PRKN: variants seen among roughly 807,000 people sequenced by gnomAD.
The protein encoded by PRKN is E3 ubiquitin-protein ligase parkin.
In PRKN, 56 loss-of-function variants were observed where a neutral mutation model predicts 59.5. The observed-to-expected ratio is 0.94, with a 90% confidence interval of 0.76 to 1.18. The LOEUF (loss-of-function observed/expected upper bound fraction) is 1.18, where lower values mean the gene tolerates loss of function less well. Among genes scored for constraint, PRKN ranks in the 50% most tolerant of loss-of-function variants. The pLI is 0.00. For synonymous variants in PRKN, 250 were observed against 222.1 expected, an observed-to-expected ratio of 1.13 and a Z score of -1.12; for missense variants, 657 against 596.4, an observed-to-expected ratio of 1.10 and a Z score of -1.06.
At chr6:161,833,722 T>G (rs758335459) in intron 6 of PRKN, among the ~76,000 whole-genome samples, 4 of 152,090 alleles carry the variant, frequency 2.6e-5, no homozygotes, top group Non-Finnish European at 4.4e-5. Context: ...CCTCACTGTA[T>G]GGATAAGTAA....
intron 1 of PRKN, among the ~76,000 whole-genome samples, chr6:162,523,620 C>T (rs1778158504): frequency 6.6e-6 from 1 of 152,094 alleles, no homozygotes; most frequent in South Asian, 2.1e-4. Context: ...GCTGAGATCG[C>T]ACCACTGTAT....
chr6:161,354,967 G>A lies in PRKN; in HGVS notation c.1286-4756C>T, dbSNP rs759503937. 2.6e-5 allele frequency among the ~76,000 whole-genome samples: 4 copies of A among 152,198 alleles called. No homozygotes were observed. The highest frequency in any genetic ancestry group is 5.9e-5 in the Non-Finnish European group (4 of 68,030). ...TCTTTGGAGGCTGCCAGCATGTTCTGAGTCCAGGGCAGATCCGATGAATAA... is the reference window on the plus strand; with the variant it reads ...TCTTTGGAGGCTGCCAGCATGTTCTAAGTCCAGGGCAGATCCGATGAATAA... On this transcript the variant is annotated intron_variant, in intron 11 of 11. Coordinates refer to ENST00000366898, the MANE Select transcript of PRKN (RefSeq NM_004562.3). The surrounding 1 kb of genome is among the most constrained non-coding windows in gnomAD (Gnocchi z 6.7).
In PRKN at chr6:161,448,518, T is replaced by C. The variant is rs1789592839; in HGVS notation, c.1084-61641A>G. Reference sequence around the variant, plus strand: ...TTGTAAAAAGCAAAGGTTACAGACATAAAGATCTTGCGATTCTCTTATCCC... The same window carrying C: ...TTGTAAAAAGCAAAGGTTACAGACACAAAGATCTTGCGATTCTCTTATCCC... On this transcript the variant is annotated intron_variant, in intron 9 of 11. Transcript: ENST00000366898. This position sits in a 1 kb window ranked among gnomAD's most constrained non-coding sequence, Gnocchi z 5.1. 6.6e-6 allele frequency among the ~76,000 whole-genome samples: 1 copy of C among 152,198 alleles called. No homozygotes were observed. Among genetic ancestry groups the C allele is most frequent in the Admixed American group, 6.5e-5 (1 of 15,280 alleles).
chr6:162,703,994 G>A (rs564289796), intron 1 of PRKN, among the ~76,000 whole-genome samples: 44 of 152,184 alleles, frequency 2.9e-4, no homozygotes, highest in Non-Finnish European at 5.1e-4. Flanking sequence ...CAGGGAGGGG[G>A]ATTTGCTTTG....
intron 2 of PRKN, among the ~76,000 whole-genome samples, chr6:162,351,907 A>AT (rs1784642898): frequency 6.6e-6 from 1 of 152,204 alleles, no homozygotes; most frequent in African/African-American, 2.4e-5. Context: ...TTCCTGTGGT[A>AT]TAAAAACAAG....
chr6:161,909,575 G>A (rs1050133416), intron 6 of PRKN, among the ~76,000 whole-genome samples: 3 of 152,176 alleles, frequency 2.0e-5, no homozygotes, highest in African/African-American at 7.2e-5. Flanking sequence ...GAAGGAACCG[G>A]ACATGTATGA....
At chr6:162,294,167 C>T (rs1219919887) in intron 2 of PRKN, among the ~76,000 whole-genome samples, 1 of 152,036 alleles carries the variant, frequency 6.6e-6, no homozygotes, top group Non-Finnish European at 1.5e-5. Flanking sequence ...TGCAAATGTA[C>T]TAAGAGTTCA....
chr6:162,588,815 T>G (rs1171705560), intron 1 of PRKN, among the ~76,000 whole-genome samples: 1 of 152,092 alleles, frequency 6.6e-6, no homozygotes, highest in Non-Finnish European at 1.5e-5. Context: ...CCTCCCAAAG[T>G]GCTGGGATTA....
At chr6:161,597,519 A>G (rs1781958129) in intron 7 of PRKN, among the ~76,000 whole-genome samples, 1 of 152,218 alleles carries the variant, frequency 6.6e-6, no homozygotes, top group African/African-American at 2.4e-5. Flanking sequence ...CCCAGGGGTG[A>G]CAAAACTGGG....
At chr6:162,587,754 C>A (rs1781122907) in intron 1 of PRKN, among the ~76,000 whole-genome samples, 1 of 151,964 alleles carries the variant, frequency 6.6e-6, no homozygotes, top group South Asian at 2.1e-4. Flanking sequence ...TCAAAATAAA[C>A]CTCCTTGATG....
In PRKN at chr6:161,548,158, T is replaced by A. The variant is rs1287661152; in HGVS notation, c.1083+696A>T. Among the ~76,000 whole-genome samples, 1 of 152,238 alleles carries A rather than the reference T, an allele frequency of 6.6e-6. No homozygotes were observed. Among genetic ancestry groups the A allele is most frequent in the Non-Finnish European group, 1.5e-5 (1 of 68,048 alleles). On this transcript the variant is annotated intron_variant, in intron 9 of 11. Transcript: ENST00000366898. This position sits in a 1 kb window ranked among gnomAD's most constrained non-coding sequence, Gnocchi z 4.2. The stretch of plus-strand genomic sequence containing the variant: ...TTTCCAGGCTGCATGAAATTTAATA[T>A]CAGGATTATTATCCATTTGTCATTT...
intron 4 of PRKN, among the ~76,000 whole-genome samples, chr6:162,192,515 T>C (rs1784325791): frequency 7.3e-6 from 1 of 137,316 alleles, no homozygotes; most frequent in Non-Finnish European, 1.5e-5. Context: ...TGTGGTGGCA[T>C]GATCATGGCT....
Position 161,385,173 on chromosome 6 carries a change from C to T in PRKN, c.1167+1621G>A, listed in dbSNP as rs1273465689. On this transcript the variant is annotated intron_variant, in intron 10 of 11. Transcript: ENST00000366898. The surrounding 1 kb of genome is among the most constrained non-coding windows in gnomAD (Gnocchi z 4.9). ...TCAATCTCTTGACCTCATGATCCGC[C>T]CACCTCGGCCTCCCAAAGTGCTGGG... Among the ~76,000 whole-genome samples the T allele has an allele frequency of 6.6e-6, 1 of 151,016 alleles. No homozygotes were observed. Among genetic ancestry groups the T allele is most frequent in the Non-Finnish European group, 1.5e-5 (1 of 67,800 alleles).
chr6:162,549,802 C>T (rs1236557996), intron 1 of PRKN, among the ~76,000 whole-genome samples: 1 of 152,080 alleles, frequency 6.6e-6, no homozygotes, highest in Admixed American at 6.6e-5. Context: ...CCATGCCTGG[C>T]TAATTTTTGT....
Position 162,685,611 on chromosome 6 carries a change from G to A in PRKN, c.7+42051C>T, listed in dbSNP as rs116070220. On this transcript the variant is annotated intron_variant, in intron 1 of 11. Coordinates refer to ENST00000366898, the MANE Select transcript of PRKN (RefSeq NM_004562.3). Reference sequence around the variant, plus strand: ...ATAAGCAGGTAACAAATGGTAAACAGTTTAGCCAGAAAGAAGAAAAGCCAA... The same window carrying A: ...ATAAGCAGGTAACAAATGGTAAACAATTTAGCCAGAAAGAAGAAAAGCCAA... Among the ~76,000 whole-genome samples, 269 of 152,164 alleles carry A rather than the reference G, an allele frequency of 1.8e-3. 1 individual carries two copies. Among genetic ancestry groups the A allele is most frequent in the African/African-American group, 6.3e-3 (262 of 41,532 alleles).
At chr6:162,180,743 A>G (rs1348943964) in intron 4 of PRKN, among the ~76,000 whole-genome samples, 3 of 152,338 alleles carry the variant, frequency 2.0e-5, no homozygotes, top group East Asian at 3.9e-4. Context: ...CAATATATAC[A>G]TAGCCTAATT....
At chr6:162,043,521 A>G (rs1435118440) in intron 5 of PRKN, among the ~76,000 whole-genome samples, 2 of 152,192 alleles carry the variant, frequency 1.3e-5, no homozygotes, top group Non-Finnish European at 2.9e-5. Context: ...ATGGAGATGA[A>G]CAGAGGCCAA....
rs1051966482 is a variant in PRKN, at chr6:161,588,609, C to T, written c.872-19193G>A. ...AACTGGGAGGTGGGGCTGGACCTCTCGGTGCATACCGTAAAGCCCCATGAT... is the reference window on the plus strand; with the variant it reads ...AACTGGGAGGTGGGGCTGGACCTCTTGGTGCATACCGTAAAGCCCCATGAT... On this transcript the variant is annotated intron_variant, in intron 7 of 11. Coordinates refer to ENST00000366898, the MANE Select transcript of PRKN (RefSeq NM_004562.3). This position sits in a 1 kb window ranked among gnomAD's most constrained non-coding sequence, Gnocchi z 5.0. 6.6e-6 allele frequency among the ~76,000 whole-genome samples: 1 copy of T among 151,942 alleles called. No individual in the cohort carries two copies. The highest frequency in any genetic ancestry group is 1.5e-5 in the Non-Finnish European group (1 of 68,008).
At chr6:161,577,484 G>C (rs943409477) in intron 7 of PRKN, among the ~76,000 whole-genome samples, 3 of 152,222 alleles carry the variant, frequency 2.0e-5, no homozygotes, top group Non-Finnish European at 4.4e-5. Flanking sequence ...CATGAATGTA[G>C]TCTGGAGAAG....
Sources: allele counts gnomAD v4.1 joint callset (sites outside exome capture counted in the v4.1 genomes callset), GRCh38; gene constraint gnomAD v4.1.1; non-coding constraint Gnocchi (gnomAD v3.1); transcripts MANE v1.5; gene names NCBI Gene and HGNC (gene_info 2026-07-23, HGNC 2026-07-21).